The following RHOQ variants were observed in gnomAD, a reference collection of about 807,000 sequenced individuals.
The protein encoded by RHOQ is ras homolog family member Q, also known as rho-related GTP-binding protein RhoQ.
In RHOQ, 7 loss-of-function variants were observed where a neutral mutation model predicts 25.8. The observed-to-expected ratio is 0.27, with a 90% CI of 0.15 to 0.51. RHOQ has a LOEUF of 0.51. Among genes scored for constraint, RHOQ ranks in the 20% least tolerant of loss-of-function variants. RHOQ has a pLI of 0.97. For synonymous variants in RHOQ, 97 were observed against 98.6 expected, an observed-to-expected ratio of 0.98 and a Z score of 0.10; for missense variants, 165 against 260.6, an observed-to-expected ratio of 0.63 and a Z score of 2.53.
At chr2:46,547,592 C>T (rs186426549) in intron 2 of RHOQ, among the ~76,000 whole-genome samples, 171 of 152,362 alleles carry the variant, frequency 1.1e-3, no homozygotes, top group African/African-American at 3.7e-3. Flanking sequence ...GCAGCTGTCA[C>T]ATTTTGACTG....
intron 2 of RHOQ, among the ~76,000 whole-genome samples, chr2:46,550,949 G>A (rs1467802212): frequency 1.3e-5 from 2 of 152,166 alleles, no homozygotes; most frequent in Non-Finnish European, 2.9e-5. Flanking sequence ...ATTGAGTGCT[G>A]CAGGGTCCCA....
At position 46,548,040 on chromosome 2, in the gene RHOQ, T is replaced by C. The variant is rs1249166071; in HGVS notation, c.201+4228T>C. ...AGGAGGATGTGTGTTGGGGGTGAAT[T>C]TGGGATCCCTAGAGTTCCAGATTTA... On this transcript the variant is annotated intron_variant, in intron 2 of 4. Coordinates refer to ENST00000238738, the MANE Select transcript of RHOQ (RefSeq NM_012249.4). This position sits in a 1 kb window ranked among gnomAD's most constrained non-coding sequence, Gnocchi z 5.2. Among the ~76,000 whole-genome samples, 1 of 152,200 alleles carries C rather than the reference T, an allele frequency of 6.6e-6. No individual in the cohort carries two copies. The highest frequency in any genetic ancestry group is 2.4e-5 in the African/African-American group (1 of 41,452).
intron 2 of RHOQ, among the ~76,000 whole-genome samples, chr2:46,571,470 T>C (rs1668912973): frequency 6.6e-6 from 1 of 152,226 alleles, no homozygotes; most frequent in Admixed American, 6.5e-5. Context: ...TGAGAGAGCT[T>C]TGTAAATGTT....
rs1260538978 is a variant in RHOQ at position 46,584,573 on chromosome 2, A to G, written c.*3490A>G. Among the ~76,000 whole-genome samples the G allele has an allele frequency of 6.6e-6, 1 of 152,192 alleles. No individual in the cohort carries two copies. Among genetic ancestry groups the G allele is most frequent in the Admixed American group, 6.5e-5 (1 of 15,286 alleles). The stretch of plus-strand genomic sequence containing the variant: ...CAGAATGCCAAAAATGAAATGTTAA[A>G]AAATTTTGTCTAATGAAGGGTTACG... On this transcript the variant is annotated 3_prime_UTR_variant, in exon 5 of 5. Transcript: ENST00000238738.
chr2:46,567,553 C>T (rs1445324293), intron 2 of RHOQ, among the ~76,000 whole-genome samples: 1 of 152,032 alleles, frequency 6.6e-6, no homozygotes, highest in Non-Finnish European at 1.5e-5. Context: ...ACCATCACAC[C>T]TGGCTCATTT....
chr2:46,567,113 C>A (rs1185927607), intron 2 of RHOQ, among the ~76,000 whole-genome samples: 1 of 152,048 alleles, frequency 6.6e-6, no homozygotes, highest in Non-Finnish European at 1.5e-5. Context: ...AACATCCTGG[C>A]AGTGATATAA....
In RHOQ at chr2:46,552,010, T is replaced by G. The variant is rs1277654324; in HGVS notation, c.201+8198T>G. ...TGTCGGACTTTAAGCCCTGGGTTCT[T>G]GATGTTAAGTCACTCTCCCTAATCA... On this transcript the variant is annotated intron_variant, in intron 2 of 4. Coordinates refer to ENST00000238738, the MANE Select transcript of RHOQ (RefSeq NM_012249.4). This position sits in a 1 kb window ranked among gnomAD's most constrained non-coding sequence, Gnocchi z 5.0. 1.3e-5 allele frequency among the ~76,000 whole-genome samples: 2 copies of G among 152,196 alleles called. No individual in the cohort carries two copies. The highest frequency in any genetic ancestry group is 2.9e-5 in the Non-Finnish European group (2 of 68,032).
rs1017685823 is a variant in RHOQ, at chr2:46,584,315, T to C, written c.*3232T>C. ...AGGATAATACTCTTTCCTCTATTTA[T>C]GCTGAGAGTCTACTAATCATTGGCA... On this transcript the variant is annotated 3_prime_UTR_variant, in exon 5 of 5. Transcript: ENST00000238738. Among the ~76,000 whole-genome samples, 1 of 152,170 alleles carries C rather than the reference T, an allele frequency of 6.6e-6. No homozygotes were observed. The highest frequency in any genetic ancestry group is 1.5e-5 in the Non-Finnish European group (1 of 68,012).
rs990373505 is a variant in RHOQ at position 46,543,680 on chromosome 2, G to C, written c.143-74G>C. On this transcript the variant is annotated intron_variant, in intron 1 of 4. Coordinates refer to ENST00000238738, the MANE Select transcript of RHOQ (RefSeq NM_012249.4). ...AGCTGGGTTGGGAGAGGAGGGTCCG[G>C]GTGGGGAGCGAAATTGCCCCAGAGC... The C allele has an allele frequency of 2.2e-6, 3 of 1,379,992 alleles. No homozygotes were observed. In the African/African-American group the frequency reaches 4.3e-5, roughly 20 times the overall value. The allele number at this position is 1,379,992 out of a possible 1,614,324, so 85.5% of individuals were successfully genotyped here. A position where few individuals can be genotyped will look rare whatever the true frequency, so the allele number is the denominator to read the frequency against.
chr2:46,581,634 A>C lies in RHOQ; in HGVS notation c.*551A>C. Reference sequence around the variant, plus strand: ...GAGATCAAAAAAGAACAAATGTTTTATTATTACTTGAGCACAAGTGTAACC... The same window carrying C: ...GAGATCAAAAAAGAACAAATGTTTTCTTATTACTTGAGCACAAGTGTAACC... On this transcript the variant is annotated 3_prime_UTR_variant, in exon 5 of 5. Transcript: ENST00000238738. The C allele has an allele frequency of 6.3e-7, 1 of 1,592,342 alleles. No individual in the cohort carries two copies. Among genetic ancestry groups the C allele is most frequent in the African/African-American group, 1.3e-5 (1 of 74,236 alleles).
chr2:46,561,062 T>C (rs1022243994), intron 2 of RHOQ, among the ~76,000 whole-genome samples: 11 of 151,526 alleles, frequency 7.3e-5, no homozygotes, highest in African/African-American at 1.2e-4. Context: ...TATAGACATA[T>C]ATCTCTCTAA....
intron 2 of RHOQ, among the ~76,000 whole-genome samples, chr2:46,546,407 A>G (rs1668044362): frequency 7.0e-6 from 1 of 143,412 alleles, no homozygotes. Flanking sequence ...AATAAAAAAC[A>G]TTAAGGGTTT....
At chr2:46,561,258 CG>C (rs1558686907) in intron 2 of RHOQ, among the ~76,000 whole-genome samples, 1 of 150,782 alleles carries the variant, frequency 6.6e-6, no homozygotes, top group African/African-American at 2.5e-5. Flanking sequence ...AGGAAGAGTA[CG>C]GTGAGGGGAG....
At chr2:46,570,213 G>T (rs1668867313) in intron 2 of RHOQ, among the ~76,000 whole-genome samples, 1 of 152,200 alleles carries the variant, frequency 6.6e-6, no homozygotes, top group Admixed American at 6.5e-5. Context: ...GGCCAAGGGA[G>T]GCGGATCACA....
chr2:46,559,088 G>C (rs1293054943), intron 2 of RHOQ, among the ~76,000 whole-genome samples: 1 of 152,012 alleles, frequency 6.6e-6, no homozygotes, highest in Non-Finnish European at 1.5e-5. Flanking sequence ...TGAGTAGTTG[G>C]GACTATAGCT....
At chr2:46,550,534 G>C (rs141345731) in intron 2 of RHOQ, among the ~76,000 whole-genome samples, 1 of 152,322 alleles carries the variant, frequency 6.6e-6, no homozygotes, top group Non-Finnish European at 1.5e-5. Context: ...TGTTTCCTGA[G>C]ACCTCTTGCT....
At chr2:46,546,294 C>T (rs903320488) in intron 2 of RHOQ, among the ~76,000 whole-genome samples, 1 of 151,302 alleles carries the variant, frequency 6.6e-6, no homozygotes, top group Non-Finnish European at 1.5e-5. Context: ...CATAGGAGAT[C>T]TCTACATTGC....
rs1288348770 is a variant in RHOQ at position 46,556,915 on chromosome 2, T to C, written c.201+13103T>C. On this transcript the variant is annotated intron_variant, in intron 2 of 4. Coordinates refer to ENST00000238738, the MANE Select transcript of RHOQ (RefSeq NM_012249.4). The surrounding 1 kb of genome is among the most constrained non-coding windows in gnomAD (Gnocchi z 4.9). ...TCAGGTACATGGGTCTGATTTATGTTAACTCGTAAGAGATCAGCCTATAAA... is the reference window on the plus strand; with the variant it reads ...TCAGGTACATGGGTCTGATTTATGTCAACTCGTAAGAGATCAGCCTATAAA... Among the ~76,000 whole-genome samples, 3 of 152,192 alleles carry C rather than the reference T, an allele frequency of 2.0e-5. No individual in the cohort carries two copies. Among genetic ancestry groups the C allele is most frequent in the African/African-American group, 2.4e-5 (1 of 41,450 alleles).
rs111865697 is a variant in RHOQ, at chr2:46,544,731, C to T, written c.201+919C>T. ...TTGAAGACTCTGGCAGAAGTTTCCA[C>T]ATGTCATACAGACTTACATCCTTGA... On this transcript the variant is annotated intron_variant, in intron 2 of 4. Transcript: ENST00000238738. 2.9e-3 allele frequency among the ~76,000 whole-genome samples: 436 copies of T among 152,366 alleles called. 5 individuals are homozygous for T. The highest frequency in any genetic ancestry group is 9.9e-3 in the African/African-American group (412 of 41,586).
Sources: allele counts gnomAD v4.1 joint callset (sites outside exome capture counted in the v4.1 genomes callset), GRCh38; gene constraint gnomAD v4.1.1; non-coding constraint Gnocchi (gnomAD v3.1); transcripts MANE v1.5; gene names NCBI Gene and HGNC (gene_info 2026-07-23, HGNC 2026-07-21).